TLE7: variants seen among roughly 807,000 people sequenced by gnomAD.
TLE7 encodes the protein transducin-like enhancer protein 7.
At position 71,432,882 on chromosome 16, in the gene TLE7, C is replaced by A. The variant is rs1179860561; in HGVS notation, c.322G>T (p.Gly108Cys). ...AAESSPSFLL[G>C]SEVGQPYSSS... ...GACTGGTACTCACCAACCTCAGAAC[C>A]CAGTAGGAAGCTACAACACATGGAG... is the stretch of plus-strand genomic sequence containing the variant. Residue 108 changes from glycine to cysteine, a missense_variant, in exon 3 of 10, where the codon GGT becomes TGT. Gly to Cys is a radical substitution (Grantham distance 159, BLOSUM62 -3). Transcript: ENST00000561754. The A allele has an allele frequency of 5.0e-6, 2 of 398,860 alleles. No individual in the cohort carries two copies. The highest frequency in any genetic ancestry group is 8.8e-6 in the Non-Finnish European group (2 of 226,276). The allele number at this position is 398,860 out of a possible 1,614,324, so 24.7% of individuals were successfully genotyped here. A position where few individuals can be genotyped will look rare whatever the true frequency, so the allele number is the denominator to read the frequency against.
At chr16:71,438,083 T>A (rs574778548) in intron 1 of TLE7, among the ~76,000 whole-genome samples, 1 of 152,258 alleles carries the variant, frequency 6.6e-6, no homozygotes, top group Non-Finnish European at 1.5e-5. Flanking sequence ...TGGAGCATCC[T>A]CAGAAAGCAG....
intron 1 of TLE7, among the ~76,000 whole-genome samples, chr16:71,438,647 A>C (rs1466776553): frequency 7.4e-6 from 1 of 134,938 alleles, no homozygotes; most frequent in African/African-American, 3.1e-5. Context: ...GCACCACTGC[A>C]CTCCAGCCTG....
Position 71,431,699 on chromosome 16 carries a change from A to G in TLE7, c.851+62T>C, listed in dbSNP as rs1474883213. 5 of 400,552 alleles carry G rather than the reference A, an allele frequency of 1.2e-5. No individual in the cohort carries two copies. The highest frequency in any genetic ancestry group is 2.2e-5 in the Non-Finnish European group (5 of 226,348). The allele number at this position is 400,552 out of a possible 1,614,324, so 24.8% of individuals were successfully genotyped here. On this transcript the variant is annotated intron_variant, in intron 6 of 9. Transcript: ENST00000561754. The surrounding 1 kb of genome is among the most constrained non-coding windows in gnomAD (Gnocchi z 4.5). ...GCCCAGCCCTAATGCAAAGAGGGGA[A>G]AGAGCCTCACTGGCAAGCCCTCCCC... is the stretch of plus-strand genomic sequence containing the variant.
In TLE7 at chr16:71,430,214, C is replaced by G. The variant is rs1329492154; in HGVS notation, c.*48G>C. The G allele has an allele frequency of 2.5e-6, 1 of 398,472 alleles. No homozygotes were observed. The allele number at this position is 398,472 out of a possible 1,614,324, so 24.7% of individuals were successfully genotyped here. ...CTCTGAAGCCATCCTCACAGCCACA[C>G]CAGCCCAAAGACTGGGTCTTCACTG... On this transcript the variant is annotated 3_prime_UTR_variant, in exon 10 of 10. Coordinates refer to ENST00000561754, the MANE Select transcript of TLE7 (RefSeq NM_001367365.2).
intron 1 of TLE7, 89 bp downstream of exon 1, chr16:71,441,880 C>A (rs943152643): frequency 1.3e-5 from 2 of 152,364 alleles, no homozygotes; most frequent in African/African-American, 2.4e-5. Context: ...CGGCCCCAGC[C>A]TGGGAGCACG....
chr16:71,440,870 A>T (rs965270561), intron 1 of TLE7, among the ~76,000 whole-genome samples: 8 of 152,154 alleles, frequency 5.3e-5, no homozygotes, highest in African/African-American at 1.9e-4. Flanking sequence ...ATGCACGGCC[A>T]GGCCCCTCCT....
At position 71,431,645 on chromosome 16, in the gene TLE7, T is replaced by A. The variant is rs1237027385; in HGVS notation, c.852-83A>T. The A allele has an allele frequency of 7.5e-6, 3 of 400,094 alleles. No homozygotes were observed. The highest frequency in any genetic ancestry group is 3.3e-4 in the Middle Eastern group (1 of 3,064). 24.8% of individuals were successfully genotyped at this position (400,094 alleles called of 1,614,324 possible). A position where few individuals can be genotyped will look rare whatever the true frequency, so the allele number is the denominator to read the frequency against. Reference sequence around the variant, plus strand: ...TTCAGGGTCAGGAAGCCCCTAGGAGTACCCCAGATATATCTTCTACACTGA... The same window carrying A: ...TTCAGGGTCAGGAAGCCCCTAGGAGAACCCCAGATATATCTTCTACACTGA... On this transcript the variant is annotated intron_variant, in intron 6 of 9. Transcript: ENST00000561754. The surrounding 1 kb of genome is among the most constrained non-coding windows in gnomAD (Gnocchi z 4.5).
At chr16:71,441,735 C>A (rs1366654140) in intron 1 of TLE7, among the ~76,000 whole-genome samples, 1 of 152,240 alleles carries the variant, frequency 6.6e-6, no homozygotes, top group African/African-American at 2.4e-5. Flanking sequence ...CTGCCCCCTT[C>A]CAGACCGAGG....
chr16:71,431,710 T>G lies in TLE7; in HGVS notation c.851+51A>C, dbSNP rs7203200. 163,527 of 400,250 alleles carry G rather than the reference T, an allele frequency of 0.41. 40,000 individuals carry two copies. Among genetic ancestry groups the G allele is most frequent in the African/African-American group, 0.79 (38,201 of 48,652 alleles). 24.8% of individuals were successfully genotyped at this position (400,250 alleles called of 1,614,324 possible). A position where few individuals can be genotyped will look rare whatever the true frequency, so the allele number is the denominator to read the frequency against. ...ATGCAAAGAGGGGAAAGAGCCTCACTGGCAAGCCCTCCCCCAGGTACACCT... is the reference window on the plus strand; with the variant it reads ...ATGCAAAGAGGGGAAAGAGCCTCACGGGCAAGCCCTCCCCCAGGTACACCT... On this transcript the variant is annotated intron_variant, in intron 6 of 9. Transcript: ENST00000561754. This position sits in a 1 kb window ranked among gnomAD's most constrained non-coding sequence, Gnocchi z 4.5.
chr16:71,430,647 G>A, intron 9 of TLE7, 21 bp downstream of exon 9: 1 of 398,522 alleles, frequency 2.5e-6, no homozygotes, highest in East Asian at 3.6e-5. Flanking sequence ...CTGGGTTCGG[G>A]CATCCCTCTG....
At chr16:71,438,972 A>T (rs1049580291) in intron 1 of TLE7, among the ~76,000 whole-genome samples, 1 of 152,202 alleles carries the variant, frequency 6.6e-6, no homozygotes, top group Admixed American at 6.5e-5. Flanking sequence ...GAAAGCAAAC[A>T]GGGCTAATGA....
chr16:71,436,606 G>A (rs770547178), intron 1 of TLE7, among the ~76,000 whole-genome samples: 3 of 152,224 alleles, frequency 2.0e-5, no homozygotes, highest in Non-Finnish European at 2.9e-5. Context: ...CAAAGATGGG[G>A]AGTTGAGTTG....
At position 71,430,107 on chromosome 16, in the gene TLE7, G is replaced by T. The variant is rs2042795577; in HGVS notation, c.*155C>A. Among the ~76,000 whole-genome samples, 1 of 152,212 alleles carries T rather than the reference G, an allele frequency of 6.6e-6. No homozygotes were observed. The highest frequency in any genetic ancestry group is 2.4e-5 in the African/African-American group (1 of 41,452). Reference sequence around the variant, plus strand: ...AGCCATCTGATTAAAATCTGGGAGTGCAGGCTGAGAGCGGGCTACTGGAGG... The same window carrying T: ...AGCCATCTGATTAAAATCTGGGAGTTCAGGCTGAGAGCGGGCTACTGGAGG... On this transcript the variant is annotated 3_prime_UTR_variant, in exon 10 of 10. Transcript: ENST00000561754.
intron 1 of TLE7, among the ~76,000 whole-genome samples, chr16:71,441,748 A>AGAGCCGAGGCCC (rs1467520374): frequency 3.5e-4 from 53 of 152,342 alleles, no homozygotes; most frequent in African/African-American, 1.2e-3. Context: ...GACCGAGGCC[A>AGAGCCGAGGCCC]GAGCCGAGGC....
In TLE7 at chr16:71,431,827, T is replaced by C. The variant is rs1372161980; in HGVS notation, c.785A>G (p.His262Arg). Residue 262 changes from histidine (H) to arginine (R), a missense_variant, in exon 6 of 10, where the codon CAT becomes CGT. By Grantham distance (29) the His-to-Arg change is conservative (BLOSUM62 0). Coordinates refer to ENST00000561754, the MANE Select transcript of TLE7 (RefSeq NM_001367365.2). This position sits in a 1 kb window ranked among gnomAD's most constrained non-coding sequence, Gnocchi z 4.5. ...TCCATGGAAACAAGCCAAACAGATA[T>C]GGGCATCAGAGGAGACAGCCAGAGA... ...CYSLAVSSDA[H>R]ICLACFHGFV... 2 of 400,616 alleles carry C rather than the reference T, an allele frequency of 5.0e-6. No individual in the cohort carries two copies. The highest frequency in any genetic ancestry group is 2.1e-5 in the African/African-American group (1 of 48,642). 24.8% of individuals were successfully genotyped at this position (400,616 alleles called of 1,614,324 possible). A position where few individuals can be genotyped will look rare whatever the true frequency, so the allele number is the denominator to read the frequency against.
In TLE7 at chr16:71,430,699, AAGCCACTG is replaced by A. The variant is rs1433360732; in HGVS notation, c.1182_1189del (p.Ser395GlyfsTer21). ...CAACTTTTGCAGAGAAGGTGCCTCC[AAGCCACTG>A]AGGCGCGTATCTATCGCGGTCACAA... On this transcript the variant is annotated frameshift_variant, in exon 9 of 10. Transcript: ENST00000561754. LOFTEE classifies it low-confidence loss of function (END_TRUNC). 2.5e-6 allele frequency: 1 copy of A among 398,496 alleles called. No individual in the cohort carries two copies. Among genetic ancestry groups the A allele is most frequent in the African/African-American group, 2.1e-5 (1 of 48,628 alleles). The allele number at this position is 398,496 out of a possible 1,614,324, so 24.7% of individuals were successfully genotyped here.
In TLE7 at chr16:71,433,379, A is replaced by T; in HGVS notation, c.-55T>A. ...CCCGGTTCTAGGACTTGACAAATAG[A>T]CCCGCCAAACAGACACCAGGTTCCC... On this transcript the variant is annotated 5_prime_UTR_variant, in exon 2 of 10. Coordinates refer to ENST00000561754, the MANE Select transcript of TLE7 (RefSeq NM_001367365.2). The T allele has an allele frequency of 2.5e-6, 1 of 398,286 alleles. No homozygotes were observed. The allele number at this position is 398,286 out of a possible 1,614,324, so 24.7% of individuals were successfully genotyped here.
intron 1 of TLE7, among the ~76,000 whole-genome samples, chr16:71,433,726 G>A (rs1448839138): frequency 6.6e-6 from 1 of 152,334 alleles, no homozygotes; most frequent in African/African-American, 2.4e-5. Flanking sequence ...TTGGGAGGCT[G>A]AGGCAGGCAG....
At chr16:71,441,064 G>A (rs1304992097) in intron 1 of TLE7, among the ~76,000 whole-genome samples, 6 of 152,146 alleles carry the variant, frequency 3.9e-5, no homozygotes, top group Admixed American at 3.9e-4. Context: ...CCCAAGTCCT[G>A]CATTCCGATT....
Sources: allele counts gnomAD v4.1 joint callset (sites outside exome capture counted in the v4.1 genomes callset), GRCh38; gene constraint gnomAD v4.1.1; non-coding constraint Gnocchi (gnomAD v3.1); transcripts MANE v1.5; gene names NCBI Gene and HGNC (gene_info 2026-07-23, HGNC 2026-07-21).